Variants in ATP8A2 observed in about 807,000 individuals in gnomAD.
ATP8A2 encodes the protein ATPase phospholipid transporting 8A2, also known as phospholipid-transporting ATPase IB.
In ATP8A2, 100 loss-of-function variants were observed where a neutral mutation model predicts 165.6. The observed-to-expected ratio is 0.60, with a 90% CI of 0.51 to 0.71. ATP8A2 has a LOEUF of 0.71. Among genes scored for constraint, ATP8A2 ranks in the 30% least tolerant of loss-of-function variants. The pLI, the probability that ATP8A2 is intolerant of heterozygous loss-of-function variation, is 0.00. For missense variants in ATP8A2, 1,227 were observed against 1,479.5 expected (o/e 0.83, Z 2.80); for synonymous variants, 543 against 548.8 (o/e 0.99, Z 0.15).
intron 16 of ATP8A2, among the ~76,000 whole-genome samples, chr13:25,570,165 G>T (rs752641697): frequency 1.3e-5 from 2 of 152,174 alleles, no homozygotes; most frequent in Admixed American, 6.5e-5. Flanking sequence ...TGCTTTACAG[G>T]TGTTGAGAGA....
chr13:25,509,305 A>G (rs1053137543), intron 2 of ATP8A2, among the ~76,000 whole-genome samples: 4 of 152,226 alleles, frequency 2.6e-5, no homozygotes, highest in Non-Finnish European at 5.9e-5. Flanking sequence ...TTTACATGAC[A>G]TATATTGATA....
intron 25 of ATP8A2, among the ~76,000 whole-genome samples, chr13:25,732,035 C>A (rs1298374625): frequency 6.6e-6 from 1 of 152,210 alleles, no homozygotes; most frequent in Non-Finnish European, 1.5e-5. Context: ...CTCACAGCCT[C>A]TCCACATTCT....
rs200131293 is a variant in ATP8A2 at position 25,937,351 on chromosome 13, A to ATTCTTTCT, written c.3184-24217_3184-24210dup. On this transcript the variant is annotated intron_variant, in intron 33 of 36. Coordinates refer to ENST00000381655, the MANE Select transcript of ATP8A2 (RefSeq NM_016529.6). ...TTTATTTTTTTTGCTTTGTCTTTCT[A>ATTCTTTCT]TTCTTTCTTTCTTTTTTTTTTTTTT... is the stretch of plus-strand genomic sequence containing the variant. 4.5e-4 allele frequency among the ~76,000 whole-genome samples: 35 copies of ATTCTTTCT among 77,774 alleles called. 2 individuals carry two copies. The highest frequency in any genetic ancestry group is 1.2e-3 in the Admixed American group (6 of 5,176). The allele number at this position is 77,774 out of a possible 152,430, so 51.0% of individuals were successfully genotyped here. A position where few individuals can be genotyped will look rare whatever the true frequency, so the allele number is the denominator to read the frequency against.
intron 24 of ATP8A2, among the ~76,000 whole-genome samples, chr13:25,656,189 A>G (rs1174963586): frequency 6.6e-6 from 1 of 152,228 alleles, no homozygotes; most frequent in East Asian, 1.9e-4. Context: ...ACGTAAATGC[A>G]TGGAGAACAG....
At chr13:25,798,757 A>G (rs1042127428) in intron 27 of ATP8A2, among the ~76,000 whole-genome samples, 1 of 152,180 alleles carries the variant, frequency 6.6e-6, no homozygotes, top group South Asian at 2.1e-4. Context: ...AGTCATAATT[A>G]TAAAATAAGA....
At position 25,589,716 on chromosome 13, in the gene ATP8A2, A is replaced by C. The variant is rs763402915; in HGVS notation, c.2211+17A>C. On this transcript the variant is annotated intron_variant, in intron 24 of 36. Coordinates refer to ENST00000381655, the MANE Select transcript of ATP8A2 (RefSeq NM_016529.6). ...TCTTTGGATGTAAGTAGTTTTTCAA[A>C]GTTGTATTTGCTTTGCTATAACAGT... The C allele has an allele frequency of 6.5e-7, 1 of 1,542,722 alleles. No individual in the cohort carries two copies. The highest frequency in any genetic ancestry group is 9.0e-7 in the Non-Finnish European group (1 of 1,116,590).
chr13:25,837,085 C>T, intron 28 of ATP8A2, 78 bp from the exon 29 acceptor site: 2 of 1,547,230 alleles, frequency 1.3e-6, no homozygotes, highest in South Asian at 1.2e-5. Context: ...GAAGTGAAGT[C>T]ATCATTTGGT....
intron 27 of ATP8A2, among the ~76,000 whole-genome samples, chr13:25,778,260 A>T (rs984356474): frequency 1.6e-4 from 25 of 152,244 alleles, no homozygotes; most frequent in Non-Finnish European, 8.8e-5. Flanking sequence ...TTTTTACCAC[A>T]GTTCCTTGAA....
At position 25,567,394 on chromosome 13, in the gene ATP8A2, T is replaced by A. The variant is rs371320518; in HGVS notation, c.1473+3363T>A. The A allele has an allele frequency of 6.6e-6, 3 of 456,602 alleles. No individual in the cohort carries two copies. The East Asian group carries it at 2.1e-4, about 32-fold the overall frequency. The allele number at this position is 456,602 out of a possible 1,614,324, so 28.3% of individuals were successfully genotyped here. Reference sequence around the variant, plus strand: ...AACTTTAGGAAGAAATCCCACTGTTTATATAAGTTAGTGATCTTTCTTCTT... The same window carrying A: ...AACTTTAGGAAGAAATCCCACTGTTAATATAAGTTAGTGATCTTTCTTCTT... On this transcript the variant is annotated intron_variant, in intron 16 of 36. Coordinates refer to ENST00000381655, the MANE Select transcript of ATP8A2 (RefSeq NM_016529.6).
intron 27 of ATP8A2, among the ~76,000 whole-genome samples, chr13:25,788,312 G>C (rs189932134): frequency 3.3e-5 from 5 of 152,168 alleles, no homozygotes; most frequent in Non-Finnish European, 4.4e-5. Context: ...ATTTAACATC[G>C]ATAGACCATA....
intron 33 of ATP8A2, among the ~76,000 whole-genome samples, chr13:25,864,474 G>A (rs1952448712): frequency 6.6e-6 from 1 of 152,226 alleles, no homozygotes; most frequent in East Asian, 1.9e-4. Context: ...CATTTTCACT[G>A]TACCAGTCAC....
chr13:25,516,384 T>A (rs2037470103), intron 2 of ATP8A2, among the ~76,000 whole-genome samples: 1 of 152,214 alleles, frequency 6.6e-6, no homozygotes, highest in Admixed American at 6.5e-5. Context: ...TTACTTGGTT[T>A]GTAGCATGCC....
intron 1 of ATP8A2, among the ~76,000 whole-genome samples, chr13:25,414,194 T>G (rs1384264734): frequency 2.5e-5 from 3 of 121,850 alleles, no homozygotes; most frequent in African/African-American, 8.4e-5. Flanking sequence ...GTGTTTTTTT[T>G]TTTTTTTTTT....
intron 27 of ATP8A2, among the ~76,000 whole-genome samples, chr13:25,815,245 C>G (rs1450724757): frequency 2.6e-5 from 4 of 152,082 alleles, no homozygotes; most frequent in Admixed American, 2.6e-4. Context: ...AAGATTCTAT[C>G]AACAGAGTGA....
At position 25,990,802 on chromosome 13, in the gene ATP8A2, G is replaced by A. The variant is rs184588458; in HGVS notation, c.3378-21729G>A. ...AAATGCCCCTATTTGTAAATGCACA[G>A]AGCCTAGACTATTCTTCACTTGCTT... On this transcript the variant is annotated intron_variant, in intron 35 of 36. Coordinates refer to ENST00000381655, the MANE Select transcript of ATP8A2 (RefSeq NM_016529.6). Among the ~76,000 whole-genome samples the A allele has an allele frequency of 9.0e-4, 137 of 152,308 alleles. 3 individuals carry two copies. In the East Asian group the frequency reaches 0.023, roughly 26 times the overall value.
intron 2 of ATP8A2, among the ~76,000 whole-genome samples, chr13:25,500,392 C>A (rs2036817158): frequency 6.6e-6 from 1 of 152,270 alleles, no homozygotes; most frequent in African/African-American, 2.4e-5. Context: ...AAAATAACAC[C>A]TTTAAACTTA....
intron 1 of ATP8A2, among the ~76,000 whole-genome samples, chr13:25,405,509 C>G (rs115559587): frequency 3.4e-4 from 52 of 152,118 alleles, no homozygotes; most frequent in Non-Finnish European, 6.6e-4. Context: ...GTGTATCCTC[C>G]CTCGCTTCGG....
intron 25 of ATP8A2, among the ~76,000 whole-genome samples, chr13:25,732,943 T>C (rs1340637704): frequency 6.6e-6 from 1 of 152,138 alleles, no homozygotes; most frequent in Non-Finnish European, 1.5e-5. Context: ...ACCCAAAATG[T>C]AGAATTATTA....
chr13:25,702,876 T>C (rs2042979748), intron 25 of ATP8A2, among the ~76,000 whole-genome samples: 1 of 152,162 alleles, frequency 6.6e-6, no homozygotes, highest in African/African-American at 2.4e-5. Context: ...CTCCTTAAGT[T>C]ATCTGTCTCC....
Sources: gnomAD v4.1 joint callset for allele counts (sites outside exome capture counted in the v4.1 genomes callset) on GRCh38, gnomAD v4.1.1 for gene constraint, MANE v1.5 for transcripts, NCBI Gene and HGNC (gene_info 2026-07-23, HGNC 2026-07-21) for gene names.